Variants in CABP4 observed in about 807,000 individuals in gnomAD.
CABP4 encodes calcium binding protein 4, also known as calcium-binding protein 4.
A neutral mutation model predicts 30.7 loss-of-function variants in CABP4; 30 were observed. The ratio of observed to expected loss-of-function variants is 0.98; its 90% CI spans 0.73 to 1.33. The LOEUF (loss-of-function observed/expected upper bound fraction) is 1.33, where lower values mean the gene tolerates loss of function less well. Among genes scored for constraint, CABP4 ranks in the 40% most tolerant of loss-of-function variants. The pLI, the probability that CABP4 is intolerant of heterozygous loss-of-function variation, is 0.00. For synonymous variants in CABP4, 161 were observed against 159.2 expected (o/e 1.01, Z -0.08); for missense variants, 424 against 395.5 (o/e 1.07, Z -0.61).
Position 67,455,885 on chromosome 11 carries a change from C to T in CABP4, c.366+96C>T, listed in dbSNP as rs1864767758. Reference sequence around the variant, plus strand: ...CACCCTGCCCCTGAGAGGCCCTCTGCCTCTTCTGCCCCAGACTGAGCCTGG... The same window carrying T: ...CACCCTGCCCCTGAGAGGCCCTCTGTCTCTTCTGCCCCAGACTGAGCCTGG... On this transcript the variant is annotated intron_variant, in intron 1 of 5. Coordinates refer to ENST00000325656, the MANE Select transcript of CABP4 (RefSeq NM_145200.5). The T allele has an allele frequency of 1.3e-5, 19 of 1,450,674 alleles. No homozygotes were observed. In the South Asian group the frequency reaches 2.4e-4, roughly 19 times the overall value. The allele number at this position is 1,450,674 out of a possible 1,614,324, so 89.9% of individuals were successfully genotyped here.
rs916258667 is a variant in CABP4, at chr11:67,460,763, A to ACAGGGT, written c.*2109_*2114dup. Among the ~76,000 whole-genome samples, 3 of 151,408 alleles carry ACAGGGT rather than the reference A, an allele frequency of 2.0e-5. No homozygotes were observed. The highest frequency in any genetic ancestry group is 7.3e-5 in the African/African-American group (3 of 41,112). On this transcript the variant is annotated 3_prime_UTR_variant, in exon 6 of 6. Transcript: ENST00000325656. ...TTTGGGAGGCTGAGACGGGCGGGTC[A>ACAGGGT]CAGGGTCAGGAGATCGAGACCATCC...
Position 67,455,422 on chromosome 11 carries a change from C to A in CABP4, c.-2C>A. ...GTCTCTGAGCCCTGTTATCCCTCCC[C>A]CATGACCACAGAGCAGGCAAGGGGG... On this transcript the variant is annotated 5_prime_UTR_variant, in exon 1 of 6. Transcript: ENST00000325656. 1 of 1,607,270 alleles carries A rather than the reference C, an allele frequency of 6.2e-7. No homozygotes were observed. Among genetic ancestry groups the A allele is most frequent in the South Asian group, 1.1e-5 (1 of 90,544 alleles).
intron 1 of CABP4, 103 bp from the exon 2 acceptor site, chr11:67,456,085 A>T (rs1864776245): frequency 6.2e-7 from 1 of 1,608,210 alleles, no homozygotes; most frequent in Non-Finnish European, 8.5e-7. Flanking sequence ...TCCTACTCTG[A>T]TGGGGCTGGG....
chr11:67,452,647 G>A (rs769975157), upstream of CABP4: 2 of 1,613,120 alleles, frequency 1.2e-6, no homozygotes, highest in East Asian at 2.2e-5. Context: ...CACCTTGGGG[G>A]TAGGAGTCCT....
upstream of CABP4, chr11:67,452,869 G>A (rs1214631838): frequency 4.5e-6 from 3 of 663,148 alleles, no homozygotes; most frequent in African/African-American, 3.7e-5. Context: ...CACCTTTTGA[G>A]TAATTATCCT....
Position 67,461,160 on chromosome 11 carries a change from T to C in CABP4, c.*2501T>C, listed in dbSNP as rs1865001441. 6.6e-6 allele frequency among the ~76,000 whole-genome samples: 1 copy of C among 152,126 alleles called. No individual in the cohort carries two copies. The highest frequency in any genetic ancestry group is 1.5e-5 in the Non-Finnish European group (1 of 68,026). ...TAATAAAAAAATAAGCTGGGTGTAG[T>C]GGCTCATGCTTGTAGTTCCAGCTAT... On this transcript the variant is annotated 3_prime_UTR_variant, in exon 6 of 6. Transcript: ENST00000325656.
rs1301512786 is a variant in CABP4 at position 67,459,590 on chromosome 11, T to C, written c.*931T>C. 3 of 151,976 alleles carry C rather than the reference T, an allele frequency of 2.0e-5. No individual in the cohort carries two copies. The highest frequency in any genetic ancestry group is 4.4e-5 in the Non-Finnish European group (3 of 67,996). The allele number at this position is 151,976 out of a possible 1,614,324, so 9.4% of individuals were successfully genotyped here. A position where few individuals can be genotyped will look rare whatever the true frequency, so the allele number is the denominator to read the frequency against. On this transcript the variant is annotated 3_prime_UTR_variant, in exon 6 of 6. Coordinates refer to ENST00000325656, the MANE Select transcript of CABP4 (RefSeq NM_145200.5). ...CTGCCCTTCAAGCAGGCGTGTAGTC[T>C]CTCTCCAGGGTGTGAAAAACTGGAA...
Position 67,457,668 on chromosome 11 carries a change from A to G in CABP4, c.637A>G (p.Ile213Val). ...CATGCTGGGGGTGCGAGAGCTGCGC[A>G]TCGCCTTCCGAGAGGTGCGGAGTGT... is the stretch of plus-strand genomic sequence containing the variant. ...AHMLGVRELR[I>V]AFREFDRDRD... The change falls in exon 4 of 6, where the codon ATC (isoleucine) becomes GTC (valine). Residue 213 changes from isoleucine to valine, a missense_variant. Physicochemically the swap from Ile to Val is conservative, Grantham distance 29. Coordinates refer to ENST00000325656, the MANE Select transcript of CABP4 (RefSeq NM_145200.5). The G allele has an allele frequency of 6.3e-7, 1 of 1,591,696 alleles. No individual in the cohort carries two copies. Among genetic ancestry groups the G allele is most frequent in the Admixed American group, 1.8e-5 (1 of 56,334 alleles).
At chr11:67,456,146 C>T (rs779126466) in intron 1 of CABP4, 42 bp from the exon 2 acceptor site, 3 of 1,612,964 alleles carry the variant, frequency 1.9e-6, no homozygotes, top group Non-Finnish European at 2.5e-6. Context: ...GATGACAGAG[C>T]CGTGGCTGGC....
upstream of CABP4, among the ~76,000 whole-genome samples, chr11:67,454,324 C>G (rs541563191): frequency 1.3e-5 from 2 of 152,290 alleles, no homozygotes; most frequent in African/African-American, 4.8e-5. Context: ...AAGGGCTGGC[C>G]CCTGCCCACG....
rs1864782224 is a variant in CABP4, at chr11:67,456,176, C to T, written c.367-12C>T. 4 of 1,613,124 alleles carry T rather than the reference C, an allele frequency of 2.5e-6. No individual in the cohort carries two copies. The highest frequency in any genetic ancestry group is 1.7e-5 in the Admixed American group (1 of 60,022). The stretch of plus-strand genomic sequence containing the variant: ...GCTGGCCCTGGGGACATCCTGGACT[C>T]TCCCCCTGCAGGACCGCGAACTGGG... On this transcript the variant is annotated splice_polypyrimidine_tract_variant and intron_variant, in intron 1 of 5. Coordinates refer to ENST00000325656, the MANE Select transcript of CABP4 (RefSeq NM_145200.5).
At chr11:67,452,648 T>C (rs1590994579), upstream of CABP4, 1 of 1,612,800 alleles carries the variant, frequency 6.2e-7, no homozygotes, top group East Asian at 2.2e-5. Context: ...ACCTTGGGGG[T>C]AGGAGTCCTC....
In CABP4 at chr11:67,460,603, T is replaced by C. The variant is rs1864982724; in HGVS notation, c.*1944T>C. ...CAGCAGATTAAACACAATTTAAAGA[T>C]TAATGAACTGGAAGCTATATCTAAG... On this transcript the variant is annotated 3_prime_UTR_variant, in exon 6 of 6. Transcript: ENST00000325656. 6.6e-6 allele frequency among the ~76,000 whole-genome samples: 1 copy of C among 151,658 alleles called. No homozygotes were observed. Among genetic ancestry groups the C allele is most frequent in the African/African-American group, 2.4e-5 (1 of 41,262 alleles).
At chr11:67,455,836 G>C in intron 1 of CABP4, 47 bp downstream of exon 1, 1 of 1,543,580 alleles carries the variant, frequency 6.5e-7, no homozygotes, top group Non-Finnish European at 8.7e-7. Context: ...GGTGGGGCTG[G>C]AGACACACCC....
intron 4 of CABP4, 57 bp downstream of exon 4, chr11:67,457,739 G>C (rs1011052090): frequency 2.1e-6 from 3 of 1,398,096 alleles, no homozygotes; most frequent in African/African-American, 2.8e-5. Context: ...ATCCTTGCTG[G>C]CCTCTCACTC....
chr11:67,458,895 T>G lies in CABP4; in HGVS notation c.*236T>G. 5.1e-6 allele frequency: 3 copies of G among 589,168 alleles called. No individual in the cohort carries two copies. Among genetic ancestry groups the G allele is most frequent in the East Asian group, 3.0e-5 (1 of 33,436 alleles). The allele number at this position is 589,168 out of a possible 1,614,324, so 36.5% of individuals were successfully genotyped here. On this transcript the variant is annotated 3_prime_UTR_variant, in exon 6 of 6. Coordinates refer to ENST00000325656, the MANE Select transcript of CABP4 (RefSeq NM_145200.5). ...AAGACCTGCTCTCAGCTGCCCACCG[T>G]TCCTCAGTGTGAGCAAGATTTGGGT...
rs1455035481 is a variant in CABP4, at chr11:67,455,496, G to C, written c.73G>C (p.Val25Leu). Residue 25 changes from valine (V) to leucine (L), a missense_variant, in exon 1 of 6, where the codon GTT (valine) becomes CTT (leucine). Transcript: ENST00000325656. The part of the protein sequence containing the change: ...AIGRQKPPAG[V>L]VTPKSDAEEP... ...TGGCCGTCAGAAGCCCCCTGCGGGG[G>C]TTGTGACTCCCAAGAGTGATGCAGA... The C allele has an allele frequency of 6.2e-7, 1 of 1,607,456 alleles. No homozygotes were observed. Among genetic ancestry groups the C allele is most frequent in the Non-Finnish European group, 8.5e-7 (1 of 1,177,956 alleles).
upstream of CABP4, chr11:67,452,457 C>T: frequency 6.2e-7 from 1 of 1,612,414 alleles, no homozygotes; most frequent in Non-Finnish European, 8.5e-7. Context: ...TGCCGGATCT[C>T]TAGGATCTGG....
At chr11:67,454,217 C>T (rs1414292433), upstream of CABP4, among the ~76,000 whole-genome samples, 1 of 152,166 alleles carries the variant, frequency 6.6e-6, no homozygotes, top group Non-Finnish European at 1.5e-5. Flanking sequence ...TGCAGCCCCA[C>T]CTCGCCCTTC....
Sources: allele counts gnomAD v4.1 joint callset (sites outside exome capture counted in the v4.1 genomes callset), GRCh38; gene constraint gnomAD v4.1.1; transcripts MANE v1.5; gene names NCBI Gene and HGNC (gene_info 2026-07-23, HGNC 2026-07-21).